The following WWOX variants were observed in gnomAD, a reference collection of about 807,000 sequenced individuals.
The protein encoded by WWOX is WW domain-containing oxidoreductase.
WWOX carries 69 observed loss-of-function variants against 46.2 expected under a neutral mutation model. The ratio of observed to expected loss-of-function variants is 1.49; its 90% confidence interval spans 1.23 to 1.82. WWOX has a LOEUF of 1.82. WWOX is among the 40% of genes most tolerant of loss of function. The pLI, the probability that WWOX is intolerant of heterozygous loss-of-function variation, is 0.00. For missense variants in WWOX, 919 were observed against 542.6 expected, an observed-to-expected ratio of 1.69 and a Z score of -6.89; for synonymous variants, 359 against 202.6, an observed-to-expected ratio of 1.77 and a Z score of -6.56.
At chr16:78,876,203 T>A (rs2044230520) in intron 8 of WWOX, among the ~76,000 whole-genome samples, 1 of 138,956 alleles carries the variant, frequency 7.2e-6, no homozygotes, top group Non-Finnish European at 1.6e-5. Context: ...AAGGTTTTTT[T>A]CCTTTCTTTT....
chr16:78,799,543 C>A (rs1270207913), intron 8 of WWOX, among the ~76,000 whole-genome samples: 1 of 152,154 alleles, frequency 6.6e-6, no homozygotes, highest in Non-Finnish European at 1.5e-5. Flanking sequence ...AAAGTCCACT[C>A]CGAATCTCTG....
chr16:78,803,451 C>CT (rs1281214948), intron 8 of WWOX, among the ~76,000 whole-genome samples: 11 of 151,944 alleles, frequency 7.2e-5, no homozygotes, highest in African/African-American at 1.2e-4. Context: ...CAAAGGTACT[C>CT]TTTTTTCTTT....
At chr16:78,293,979 A>G (rs960342667) in intron 5 of WWOX, among the ~76,000 whole-genome samples, 4 of 89,690 alleles carry the variant, frequency 4.5e-5, no homozygotes, top group South Asian at 8.8e-4. Context: ...TCTGTCTCAG[A>G]AAAAAAAAAA....
At chr16:78,743,894 C>G (rs1178020699) in intron 8 of WWOX, among the ~76,000 whole-genome samples, 1 of 152,202 alleles carries the variant, frequency 6.6e-6, no homozygotes. Context: ...CCAGAAAATT[C>G]TTTAACCAGG....
chr16:78,589,720 T>C (rs2151600444), intron 8 of WWOX, among the ~76,000 whole-genome samples: 1 of 152,330 alleles, frequency 6.6e-6, no homozygotes, highest in Non-Finnish European at 1.5e-5. Context: ...AAACTGTAGC[T>C]TACAGTGTGC....
rs368884950 is a variant in WWOX, at chr16:79,028,575, C to T, written c.1057-183033C>T. On this transcript the variant is annotated intron_variant, in intron 8 of 8. Transcript: ENST00000566780. ...TTCTTCCCTCCTCTCTCCTTCCTTC[C>T]CTCCCTTTCCAGCTTAACTAAAATT... 4.6e-5 allele frequency among the ~76,000 whole-genome samples: 7 copies of T among 151,572 alleles called. No individual in the cohort carries two copies. In the East Asian group the frequency reaches 1.2e-3, roughly 25 times the overall value.
At chr16:78,545,291 C>A (rs544488083) in intron 8 of WWOX, among the ~76,000 whole-genome samples, 1 of 152,184 alleles carries the variant, frequency 6.6e-6, no homozygotes, top group African/African-American at 2.4e-5. Flanking sequence ...GTTCTAATCT[C>A]TGCTTCTGAG....
At chr16:78,854,735 C>T (rs746000542) in intron 8 of WWOX, among the ~76,000 whole-genome samples, 1 of 151,978 alleles carries the variant, frequency 6.6e-6, no homozygotes, top group South Asian at 2.1e-4. Context: ...CACATGCCAC[C>T]ACTCCCAGCT....
chr16:78,806,103 G>A (rs767310380), intron 8 of WWOX, among the ~76,000 whole-genome samples: 9 of 152,140 alleles, frequency 5.9e-5, no homozygotes, highest in Non-Finnish European at 1.2e-4. Flanking sequence ...TCTAAACTTT[G>A]TGGTATATTC....
At chr16:79,022,641 G>A (rs1266465606) in intron 8 of WWOX, among the ~76,000 whole-genome samples, 1 of 152,182 alleles carries the variant, frequency 6.6e-6, no homozygotes, top group African/African-American at 2.4e-5. Context: ...TCCTGGTTGT[G>A]GCATTCATGT....
At chr16:78,761,268 G>T (rs2049786005) in intron 8 of WWOX, among the ~76,000 whole-genome samples, 1 of 152,166 alleles carries the variant, frequency 6.6e-6, no homozygotes, top group Non-Finnish European at 1.5e-5. Flanking sequence ...AGTTCAGAAA[G>T]CACGGCCTCC....
At chr16:78,647,498 C>G (rs2046871904) in intron 8 of WWOX, among the ~76,000 whole-genome samples, 1 of 152,168 alleles carries the variant, frequency 6.6e-6, no homozygotes, top group Non-Finnish European at 1.5e-5. Context: ...ACCTTGGGGT[C>G]TGTTAGAGAA....
chr16:78,729,387 T>C (rs1446747662), intron 8 of WWOX, among the ~76,000 whole-genome samples: 1 of 151,862 alleles, frequency 6.6e-6, no homozygotes, highest in Non-Finnish European at 1.5e-5. Context: ...TATATATGCA[T>C]GCACATCCTA....
intron 8 of WWOX, among the ~76,000 whole-genome samples, chr16:78,768,058 C>G (rs929697061): frequency 6.6e-6 from 1 of 151,856 alleles, no homozygotes; most frequent in African/African-American, 2.4e-5. Context: ...ATTCCACCCC[C>G]TGTGCTTTTT....
rs373085599 is a variant in WWOX, at chr16:78,989,866, G to GA, written c.1057-221741dup. ...TGTGTGTGTGTGTGTGATTGAGAGA[G>GA]AGAGAGACAGATGGAGGGAAAGAGA... On this transcript the variant is annotated intron_variant, in intron 8 of 8. Coordinates refer to ENST00000566780, the MANE Select transcript of WWOX (RefSeq NM_016373.4). Among the ~76,000 whole-genome samples, 499 of 150,230 alleles carry GA rather than the reference G, an allele frequency of 3.3e-3. 1 individual carries two copies. Among genetic ancestry groups the GA allele is most frequent in the African/African-American group, 0.011 (462 of 40,932 alleles).
intron 8 of WWOX, among the ~76,000 whole-genome samples, chr16:78,852,692 C>T (rs1192224392): frequency 6.6e-6 from 1 of 152,116 alleles, no homozygotes; most frequent in South Asian, 2.1e-4. Flanking sequence ...TAATTTGCTA[C>T]ACACCAATAT....
intron 8 of WWOX, among the ~76,000 whole-genome samples, chr16:78,900,948 T>C (rs2044816878): frequency 6.6e-6 from 1 of 152,168 alleles, no homozygotes; most frequent in Non-Finnish European, 1.5e-5. Flanking sequence ...AGAAGAGCAC[T>C]AATTAATCTC....
chr16:78,583,469 C>A (rs552402566), intron 8 of WWOX, among the ~76,000 whole-genome samples: 2 of 152,152 alleles, frequency 1.3e-5, no homozygotes, highest in African/African-American at 2.4e-5. Flanking sequence ...AAGAAGAATT[C>A]TTTTTCTCTT....
intron 8 of WWOX, among the ~76,000 whole-genome samples, chr16:78,971,526 G>A (rs1057286034): frequency 9.9e-5 from 15 of 151,558 alleles, no homozygotes; most frequent in Non-Finnish European, 2.2e-4. Context: ...CTACAGCCAT[G>A]GAAAGAGAAT....
Sources: allele counts gnomAD v4.1 joint callset (sites outside exome capture counted in the v4.1 genomes callset), GRCh38; gene constraint gnomAD v4.1.1; transcripts MANE v1.5; gene names NCBI Gene and HGNC (gene_info 2026-07-23, HGNC 2026-07-21).